CAST: variants seen among roughly 807,000 people sequenced by gnomAD.
CAST encodes the protein calpastatin.
CAST carries 76 observed loss-of-function variants against 119.6 expected under a neutral mutation model. The observed-to-expected ratio is 0.64, with a 90% CI of 0.53 to 0.77. The LOEUF is 0.77. Among genes scored for constraint, CAST ranks in the 30% least tolerant of loss-of-function variants. The pLI is 0.00. For missense variants in CAST, 953 were observed against 946.5 expected, an observed-to-expected ratio of 1.01 and a Z score of -0.09; for synonymous variants, 319 against 331.6, an observed-to-expected ratio of 0.96 and a Z score of 0.41.
the CAST span, among the ~76,000 whole-genome samples, chr5:96,365,709 T>C: frequency 1.3e-5 from 2 of 152,218 alleles, no homozygotes; most frequent in East Asian, 3.8e-4. Context: ...ATTTTGAGCC[T>C]ATGTGTGTCT....
chr5:96,640,633 G>T (rs543566107), intron 1 of CAST, among the ~76,000 whole-genome samples: 1 of 152,340 alleles, frequency 6.6e-6, no homozygotes, highest in South Asian at 2.1e-4. Flanking sequence ...AAAAAGGGGA[G>T]CTGAGCTGGG....
upstream of CAST, among the ~76,000 whole-genome samples, chr5:96,525,872 G>T (rs927181091): frequency 6.6e-6 from 1 of 152,200 alleles, no homozygotes; most frequent in African/African-American, 2.4e-5. Flanking sequence ...TCAACATGAG[G>T]CTGGAGACAT....
chr5:96,128,752 TTA>T, the CAST span, among the ~76,000 whole-genome samples: 2 of 152,210 alleles, frequency 1.3e-5, no homozygotes, highest in East Asian at 3.9e-4. Context: ...TAGAGCTTAA[TTA>T]TCTTGCAGAA....
chr5:96,212,734 G>C, the CAST span, among the ~76,000 whole-genome samples: 3 of 152,106 alleles, frequency 2.0e-5, no homozygotes, highest in African/African-American at 4.8e-5. Context: ...AGTTTCACCA[G>C]TTTTTGTTTC....
At chr5:96,278,313 T>A in the CAST span, among the ~76,000 whole-genome samples, 1 of 151,948 alleles carries the variant, frequency 6.6e-6, no homozygotes, top group African/African-American at 2.4e-5. Context: ...CAGTCTTTGA[T>A]GTGTGTGTGT....
intron 5 of CAST, among the ~76,000 whole-genome samples, chr5:96,727,212 T>A (rs1327699719): frequency 6.6e-6 from 1 of 152,240 alleles, no homozygotes; most frequent in African/African-American, 2.4e-5. Flanking sequence ...ATGTAAATAG[T>A]AATAAATCTT....
the CAST span, among the ~76,000 whole-genome samples, chr5:96,299,839 T>C: frequency 6.7e-6 from 1 of 148,374 alleles, no homozygotes; most frequent in Admixed American, 6.6e-5. Flanking sequence ...GATGATGTGA[T>C]TTTTTTTGTG....
At chr5:96,126,675 C>A in the CAST span, among the ~76,000 whole-genome samples, 1 of 152,046 alleles carries the variant, frequency 6.6e-6, no homozygotes, top group Non-Finnish European at 1.5e-5. Context: ...TCCATAATTT[C>A]TTCACAATAA....
chr5:96,410,817 A>C, the CAST span: 1 of 1,614,150 alleles, frequency 6.2e-7, no homozygotes, highest in African/African-American at 1.3e-5. Context: ...AGAGGTGGCC[A>C]GTGTGGAGGA....
intron 1 of CAST, among the ~76,000 whole-genome samples, chr5:96,664,156 A>G (rs1748983667): frequency 6.6e-6 from 1 of 152,130 alleles, no homozygotes; most frequent in African/African-American, 2.4e-5. Flanking sequence ...TTATCAGACA[A>G]TGGACATTTA....
intron 1 of CAST, among the ~76,000 whole-genome samples, chr5:96,561,685 C>T (rs1170484697): frequency 6.7e-6 from 1 of 149,708 alleles, no homozygotes; most frequent in African/African-American, 2.5e-5. Flanking sequence ...ATGTTCTGCA[C>T]ATGTAACCCA....
chr5:96,425,009 AAAG>A, the CAST span, among the ~76,000 whole-genome samples: 30 of 8,632 alleles, frequency 3.5e-3, no homozygotes, highest in Non-Finnish European at 7.6e-3. Flanking sequence ...GAAAGAAAGA[AAAG>A]AAAGAAAGAA....
the CAST span, among the ~76,000 whole-genome samples, chr5:96,358,916 G>A: frequency 6.6e-6 from 1 of 152,110 alleles, no homozygotes; most frequent in Non-Finnish European, 1.5e-5. Flanking sequence ...TCGTTGATCT[G>A]TCTAGTATTG....
intron 1 of CAST, among the ~76,000 whole-genome samples, chr5:96,615,466 T>C (rs1297217369): frequency 6.6e-6 from 1 of 152,176 alleles, no homozygotes; most frequent in Non-Finnish European, 1.5e-5. Context: ...GTTCACATAG[T>C]CCAGTCTATC....
At chr5:96,447,309 A>T in the CAST span, among the ~76,000 whole-genome samples, 1 of 152,370 alleles carries the variant, frequency 6.6e-6, no homozygotes, top group African/African-American at 2.4e-5. Flanking sequence ...GAGGAAGCTT[A>T]AACCCATGTT....
chr5:96,327,327 G>GA, the CAST span, among the ~76,000 whole-genome samples: 1 of 152,204 alleles, frequency 6.6e-6, no homozygotes, highest in Non-Finnish European at 1.5e-5. Flanking sequence ...CCACACAAGA[G>GA]AAAAAAGCAT....
At chr5:96,315,816 C>T in the CAST span, among the ~76,000 whole-genome samples, 1 of 152,058 alleles carries the variant, frequency 6.6e-6, no homozygotes, top group African/African-American at 2.4e-5. Context: ...GATCTCTGAG[C>T]CTCCATATAA....
At chr5:96,008,219 C>T in the CAST span, among the ~76,000 whole-genome samples, 2 of 152,292 alleles carry the variant, frequency 1.3e-5, no homozygotes, top group East Asian at 1.9e-4. Flanking sequence ...TAAATGTAAA[C>T]AGAACTGGGC....
chr5:96,263,213 C>T, the CAST span, among the ~76,000 whole-genome samples: 1 of 152,032 alleles, frequency 6.6e-6, no homozygotes, highest in Non-Finnish European at 1.5e-5. Flanking sequence ...GAATCCCAGC[C>T]TTTGTTGATT....
Sources: allele counts gnomAD v4.1 joint callset (sites outside exome capture counted in the v4.1 genomes callset), GRCh38; gene constraint gnomAD v4.1.1; transcripts MANE v1.5; gene names NCBI Gene and HGNC (gene_info 2026-07-23, HGNC 2026-07-21).